CENPW: variants seen among roughly 807,000 people sequenced by gnomAD.
CENPW encodes cancer-up-regulated gene 2 protein.
In CENPW, 3 loss-of-function variants were observed where a neutral mutation model predicts 11.1. The ratio of observed to expected loss-of-function variants is 0.27; its 90% CI spans 0.12 to 0.70. The LOEUF (loss-of-function observed/expected upper bound fraction) is 0.70. Ranked by LOEUF, CENPW falls within the 30% of genes least tolerant of loss-of-function variation. The pLI is 0.77. For missense variants in CENPW, 100 were observed against 105.6 expected, an observed-to-expected ratio of 0.95 and a Z score of 0.23; for synonymous variants, 38 against 42.0, an observed-to-expected ratio of 0.91 and a Z score of 0.37.
chr6:126,451,341 T>C, the CENPW span, among the ~76,000 whole-genome samples: 1 of 150,836 alleles, frequency 6.6e-6, no homozygotes, highest in South Asian at 2.1e-4. Context: ...GAATTCAGTA[T>C]ACCAAGAAAA....
the CENPW span, among the ~76,000 whole-genome samples, chr6:126,378,650 G>A: frequency 3.9e-5 from 6 of 152,132 alleles, no homozygotes; most frequent in South Asian, 2.1e-4. Context: ...ATAAAACAGG[G>A]AATGGTAATT....
chr6:126,359,869 C>G, the CENPW span, among the ~76,000 whole-genome samples: 1 of 150,952 alleles, frequency 6.6e-6, no homozygotes. Context: ...ATAGTTGGGT[C>G]TTGTCATTTT....
At chr6:126,448,450 G>A in the CENPW span, among the ~76,000 whole-genome samples, 1 of 151,082 alleles carries the variant, frequency 6.6e-6, no homozygotes, top group African/African-American at 2.4e-5. Context: ...GAAAGTTGGA[G>A]AACATGTGCA....
At chr6:126,397,523 A>G in the CENPW span, among the ~76,000 whole-genome samples, 26 of 152,118 alleles carry the variant, frequency 1.7e-4, no homozygotes, top group Non-Finnish European at 3.4e-4. Flanking sequence ...AAAACCAGAT[A>G]TTATGATTGC....
chr6:126,388,343 CA>C, the CENPW span, among the ~76,000 whole-genome samples: 2 of 152,004 alleles, frequency 1.3e-5, no homozygotes, highest in Non-Finnish European at 2.9e-5. Context: ...ATGTACAGGG[CA>C]GGGGGAAAAA....
At chr6:126,371,263 T>C in the CENPW span, among the ~76,000 whole-genome samples, 1 of 152,206 alleles carries the variant, frequency 6.6e-6, no homozygotes, top group African/African-American at 2.4e-5. Context: ...GTAGGTCCCT[T>C]CTATGGTGAT....
chr6:126,368,860 T>A, the CENPW span, among the ~76,000 whole-genome samples: 1 of 152,160 alleles, frequency 6.6e-6, no homozygotes, highest in Non-Finnish European at 1.5e-5. Context: ...TTAGCCAGGA[T>A]GGTCTCAATC....
the CENPW span, among the ~76,000 whole-genome samples, chr6:126,433,673 C>G: frequency 6.6e-6 from 1 of 152,016 alleles, no homozygotes; most frequent in African/African-American, 2.4e-5. Flanking sequence ...TATATATAAA[C>G]CAATGTTTTA....
chr6:126,419,836 TTTCTC>T, the CENPW span, among the ~76,000 whole-genome samples: 1 of 152,178 alleles, frequency 6.6e-6, no homozygotes, highest in African/African-American at 2.4e-5. Context: ...GTCTCCCACT[TTTCTC>T]TTATAAGAAT....
the CENPW span, among the ~76,000 whole-genome samples, chr6:126,473,696 A>T: frequency 6.6e-6 from 1 of 151,494 alleles, no homozygotes; most frequent in Non-Finnish European, 1.5e-5. Flanking sequence ...TCACACCACC[A>T]CACTCCAGTC....
chr6:126,440,851 G>C, the CENPW span, among the ~76,000 whole-genome samples: 1 of 151,410 alleles, frequency 6.6e-6, no homozygotes, highest in Admixed American at 6.6e-5. Flanking sequence ...CAGAAAGAAT[G>C]GTCCATTTGA....
the CENPW span, among the ~76,000 whole-genome samples, chr6:126,444,118 A>AT: frequency 1.7e-4 from 25 of 145,192 alleles, no homozygotes; most frequent in African/African-American, 4.6e-4. Flanking sequence ...GATCTTTTTA[A>AT]TTTTTTTTTA....
At chr6:126,357,460 A>C in the CENPW span, among the ~76,000 whole-genome samples, 1 of 152,102 alleles carries the variant, frequency 6.6e-6, no homozygotes, top group Admixed American at 6.5e-5. Context: ...GTGAAAGATG[A>C]CATTGTTAGT....
At chr6:126,352,545 T>C (rs1283863163), downstream of CENPW, among the ~76,000 whole-genome samples, 1 of 152,122 alleles carries the variant, frequency 6.6e-6, no homozygotes, top group East Asian at 1.9e-4. Flanking sequence ...TTGTATTTCC[T>C]TTTTGAAGGA....
chr6:126,387,318 A>G, the CENPW span, among the ~76,000 whole-genome samples: 2 of 151,986 alleles, frequency 1.3e-5, no homozygotes, highest in East Asian at 1.9e-4. Flanking sequence ...GAAGTAAGAA[A>G]GAGTGATTAG....
At chr6:126,406,901 C>G in the CENPW span, among the ~76,000 whole-genome samples, 1 of 151,938 alleles carries the variant, frequency 6.6e-6, no homozygotes, top group African/African-American at 2.4e-5. Context: ...ACCATTCAGT[C>G]CTGGGCTTTC....
chr6:126,344,575 TA>T (rs886121561), intron 1 of CENPW, among the ~76,000 whole-genome samples: 2 of 152,198 alleles, frequency 1.3e-5, no homozygotes, highest in African/African-American at 4.8e-5. Context: ...ATTGAAAGTT[TA>T]AAAAATAATT....
At chr6:126,370,884 C>T in the CENPW span, among the ~76,000 whole-genome samples, 8 of 151,962 alleles carry the variant, frequency 5.3e-5, no homozygotes, top group East Asian at 7.7e-4. Context: ...TCTTGAGTAA[C>T]TGGGATTACA....
downstream of CENPW, among the ~76,000 whole-genome samples, chr6:126,353,080 T>C (rs983091345): frequency 2.0e-5 from 3 of 152,108 alleles, no homozygotes; most frequent in Non-Finnish European, 4.4e-5. Context: ...ATTTTAATTT[T>C]ACATTTGTTA....
Sources: gnomAD v4.1 joint callset for allele counts (sites outside exome capture counted in the v4.1 genomes callset) on GRCh38, gnomAD v4.1.1 for gene constraint, MANE v1.5 for transcripts, NCBI Gene and HGNC (gene_info 2026-07-23, HGNC 2026-07-21) for gene names.